The following MOB3B variants were observed in gnomAD, a reference collection of about 807,000 sequenced individuals.
MOB3B encodes MOB kinase activator 3B.
In MOB3B, 7 loss-of-function variants were observed where a neutral mutation model predicts 18.7. That is an observed-to-expected ratio of 0.37 (90% CI 0.21 to 0.70). The LOEUF is 0.70. Among genes scored for constraint, MOB3B ranks in the 30% least tolerant of loss-of-function variants. The probability of loss-of-function intolerance (pLI) is 0.52; values close to 1 mark genes in which losing one functional copy is unlikely to be tolerated. For synonymous variants in MOB3B, 111 were observed against 99.9 expected, an observed-to-expected ratio of 1.11 and a Z score of -0.66; for missense variants, 253 against 281.3, an observed-to-expected ratio of 0.90 and a Z score of 0.72.
intron 1 of MOB3B, among the ~76,000 whole-genome samples, chr9:27,520,231 T>A (rs78439498): frequency 0.033 from 4,962 of 152,254 alleles, 108 homozygotes; most frequent in Middle Eastern, 0.065. Context: ...TTCTGCCTTG[T>A]CCATTACAGT....
At chr9:27,454,952 G>C (rs756077042) in intron 2 of MOB3B, among the ~76,000 whole-genome samples, 181 bp downstream of exon 2, 5 of 152,076 alleles carry the variant, frequency 3.3e-5, no homozygotes, top group Non-Finnish European at 7.4e-5. Flanking sequence ...CAAAATAAAT[G>C]TAAGTGGTCC....
chr9:27,393,372 AGTGTGTGTGT>A (rs35949017), intron 2 of MOB3B, among the ~76,000 whole-genome samples: 4 of 148,668 alleles, frequency 2.7e-5, no homozygotes, highest in Non-Finnish European at 4.5e-5. Context: ...GGTGCAGAGA[AGTGTGTGTGT>A]GTGTGTGTGT....
chr9:27,399,300 C>A (rs1821842685), intron 2 of MOB3B, among the ~76,000 whole-genome samples: 1 of 152,152 alleles, frequency 6.6e-6, no homozygotes. Context: ...TCTGAAACTG[C>A]AAATAGGCTA....
chr9:27,480,287 C>A (rs1016719877), intron 1 of MOB3B, among the ~76,000 whole-genome samples: 2 of 149,646 alleles, frequency 1.3e-5, no homozygotes, highest in African/African-American at 5.0e-5. Flanking sequence ...CAGGCACATG[C>A]CACCATGCCC....
At chr9:27,501,498 G>A (rs1819990483) in intron 1 of MOB3B, among the ~76,000 whole-genome samples, 1 of 151,214 alleles carries the variant, frequency 6.6e-6, no homozygotes, top group Admixed American at 6.6e-5. Flanking sequence ...ACTACCACAA[G>A]GACAGAAAGC....
intron 1 of MOB3B, among the ~76,000 whole-genome samples, chr9:27,499,673 T>C (rs1186662294): frequency 6.6e-6 from 1 of 152,196 alleles, no homozygotes; most frequent in Non-Finnish European, 1.5e-5. Context: ...AACTTCTAGT[T>C]TGTGAAGGAA....
chr9:27,342,797 G>A (rs1262424527), intron 3 of MOB3B, among the ~76,000 whole-genome samples: 19 of 151,668 alleles, frequency 1.3e-4, no homozygotes, highest in Non-Finnish European at 2.9e-5. Flanking sequence ...GAGTGCAGTG[G>A]CCTGATCTCC....
chr9:27,364,833 G>T (rs1039474944), intron 2 of MOB3B, among the ~76,000 whole-genome samples: 1 of 152,098 alleles, frequency 6.6e-6, no homozygotes, highest in Non-Finnish European at 1.5e-5. Flanking sequence ...ACAAACTTTG[G>T]GATTAAATTC....
chr9:27,417,750 C>T (rs977523581), intron 2 of MOB3B, among the ~76,000 whole-genome samples: 1 of 152,178 alleles, frequency 6.6e-6, no homozygotes, highest in Admixed American at 6.5e-5. Flanking sequence ...CACCAACCCT[C>T]TGGGGTTAGA....
intron 2 of MOB3B, among the ~76,000 whole-genome samples, chr9:27,363,397 T>C (rs376522929): frequency 2.0e-5 from 3 of 152,070 alleles, no homozygotes; most frequent in African/African-American, 7.2e-5. Flanking sequence ...GCCTCCCAAG[T>C]AGCTGGGACT....
At chr9:27,374,354 C>A (rs1051591052) in intron 2 of MOB3B, among the ~76,000 whole-genome samples, 66 of 152,116 alleles carry the variant, frequency 4.3e-4, no homozygotes, top group African/African-American at 1.6e-3. Context: ...ATACCCTCTA[C>A]CCCTCAAAAA....
chr9:27,339,163 C>T (rs368731054), intron 3 of MOB3B, among the ~76,000 whole-genome samples: 2 of 152,210 alleles, frequency 1.3e-5, no homozygotes, highest in African/African-American at 4.8e-5. Context: ...GCTGGTGGAG[C>T]TTCCTGCCTG....
intron 2 of MOB3B, among the ~76,000 whole-genome samples, chr9:27,416,544 A>ATTTTTTTTT (rs559806304): frequency 9.1e-5 from 11 of 121,420 alleles, no homozygotes; most frequent in East Asian, 3.4e-4. Context: ...TTTCTTTTTA[A>ATTTTTTTTT]TTTTTTTTTT....
intron 1 of MOB3B, among the ~76,000 whole-genome samples, chr9:27,474,818 T>C (rs186691975): frequency 6.6e-6 from 1 of 152,238 alleles, no homozygotes; most frequent in South Asian, 2.1e-4. Flanking sequence ...TGTTAAAACA[T>C]GCGTACTTTT....
At chr9:27,404,108 G>C (rs1375079156) in intron 2 of MOB3B, among the ~76,000 whole-genome samples, 1 of 151,642 alleles carries the variant, frequency 6.6e-6, no homozygotes, top group Non-Finnish European at 1.5e-5. Context: ...TCCTCCATCT[G>C]GGTAACCATC....
intron 2 of MOB3B, among the ~76,000 whole-genome samples, chr9:27,368,518 C>T: frequency 6.6e-6 from 1 of 152,136 alleles, no homozygotes; most frequent in East Asian, 1.9e-4. Flanking sequence ...GTCTGTTCGT[C>T]ATGCCAAGGA....
intron 3 of MOB3B, among the ~76,000 whole-genome samples, chr9:27,335,903 C>G (rs1277033931): frequency 6.6e-6 from 1 of 152,180 alleles, no homozygotes; most frequent in Non-Finnish European, 1.5e-5. Flanking sequence ...GAGAGAAAAC[C>G]TATCTGGTAT....
intron 2 of MOB3B, among the ~76,000 whole-genome samples, chr9:27,366,648 C>T (rs1447364105): frequency 6.6e-6 from 1 of 152,192 alleles, no homozygotes; most frequent in African/African-American, 2.4e-5. Context: ...TTCCTGTTTT[C>T]ATCATTTTCC....
chr9:27,426,381 T>G (rs1032522796), intron 2 of MOB3B, among the ~76,000 whole-genome samples: 2 of 152,212 alleles, frequency 1.3e-5, no homozygotes, highest in Non-Finnish European at 2.9e-5. Context: ...AGGTATAGTG[T>G]TGGGGTGCAG....
Sources: gnomAD v4.1 joint callset for allele counts (sites outside exome capture counted in the v4.1 genomes callset) on GRCh38, gnomAD v4.1.1 for gene constraint, MANE v1.5 for transcripts, NCBI Gene and HGNC (gene_info 2026-07-23, HGNC 2026-07-21) for gene names.